Variants in MACROD2 observed in about 807,000 individuals in gnomAD.
MACROD2 encodes mono-ADP ribosylhydrolase 2, also known as ADP-ribose glycohydrolase MACROD2.
Under a neutral mutation model 70.4 loss-of-function variants are expected in MACROD2, and 36 were observed. That is an observed-to-expected ratio of 0.51 (90% confidence interval 0.39 to 0.68). MACROD2 has a LOEUF of 0.68. Among genes scored for constraint, MACROD2 ranks in the 30% least tolerant of loss-of-function variants. The pLI, the probability that MACROD2 is intolerant of heterozygous loss-of-function variation, is 0.00. For synonymous variants in MACROD2, 172 were observed against 178.8 expected (o/e 0.96, Z 0.30); for missense variants, 496 against 538.4 (o/e 0.92, Z 0.78).
chr20:15,639,980 AG>A (rs2049431560), intron 8 of MACROD2, among the ~76,000 whole-genome samples: 1 of 128,052 alleles, frequency 7.8e-6, no homozygotes, highest in Admixed American at 8.1e-5. Flanking sequence ...AGAAAGAAAG[AG>A]GGGGTGAGAG....
At chr20:14,650,429 C>G (rs962460714) in intron 4 of MACROD2, among the ~76,000 whole-genome samples, 31 of 152,156 alleles carry the variant, frequency 2.0e-4, no homozygotes, top group African/African-American at 7.2e-4. Context: ...TCTCCTCACC[C>G]CTACTTCCCT....
At chr20:14,749,957 T>C (rs943490910) in intron 5 of MACROD2, among the ~76,000 whole-genome samples, 61 of 152,124 alleles carry the variant, frequency 4.0e-4, no homozygotes, top group African/African-American at 1.4e-3. Flanking sequence ...GTGTACATAG[T>C]TTCAGATCTG....
chr20:15,273,143 C>T (rs565472201), intron 6 of MACROD2, among the ~76,000 whole-genome samples: 4 of 152,236 alleles, frequency 2.6e-5, no homozygotes, highest in African/African-American at 7.2e-5. Context: ...ACATTTGAGT[C>T]AGTGGGCTGG....
intron 8 of MACROD2, among the ~76,000 whole-genome samples, chr20:15,642,597 AAC>A (rs56698663): frequency 0.029 from 4,284 of 146,984 alleles, 71 homozygotes; most frequent in Non-Finnish European, 0.042. Flanking sequence ...ACCTGTCATG[AAC>A]ACACACACAC....
chr20:15,884,814 C>T (rs1287273383), intron 9 of MACROD2, among the ~76,000 whole-genome samples: 3 of 152,060 alleles, frequency 2.0e-5, no homozygotes, highest in Non-Finnish European at 4.4e-5. Context: ...TCTGACAGTT[C>T]TGGAGGCTGG....
At chr20:16,049,150 C>G (rs79467006) in intron 17 of MACROD2, among the ~76,000 whole-genome samples, 6,822 of 151,544 alleles carry the variant, frequency 0.045, 189 homozygotes, top group East Asian at 0.12. Context: ...TTCATTCCAG[C>G]AGGAGTGGGG....
At position 14,647,493 on chromosome 20, in the gene MACROD2, A is replaced by G. The variant is rs894631000; in HGVS notation, c.302-37350A>G. Among the ~76,000 whole-genome samples, 6 of 152,258 alleles carry G rather than the reference A, an allele frequency of 3.9e-5. No individual in the cohort carries two copies. The East Asian group carries it at 7.7e-4, about 20-fold the overall frequency. Reference sequence around the variant, plus strand: ...TGAGCACATATTTCAATGCATTGCAAATCTGAAGGAATTGTCATGGCTAAC... The same window carrying G: ...TGAGCACATATTTCAATGCATTGCAGATCTGAAGGAATTGTCATGGCTAAC... On this transcript the variant is annotated intron_variant, in intron 4 of 17. Transcript: ENST00000684519.
chr20:14,908,009 G>A (rs6110464), intron 5 of MACROD2, among the ~76,000 whole-genome samples: 138,094 of 152,218 alleles, frequency 0.91, 62,816 homozygotes, highest in East Asian at 1. Flanking sequence ...AAGTCACTAT[G>A]AGTCATTGAC....
At chr20:15,453,553 A>C (rs16995774) in intron 7 of MACROD2, among the ~76,000 whole-genome samples, 10,644 of 152,208 alleles carry the variant, frequency 0.07, 431 homozygotes, top group South Asian at 0.12. Flanking sequence ...TTGTGCCTGA[A>C]ATCTTATGTG....
intron 3 of MACROD2, among the ~76,000 whole-genome samples, chr20:14,211,847 G>A (rs184153841): frequency 2.0e-5 from 3 of 152,090 alleles, no homozygotes; most frequent in Non-Finnish European, 4.4e-5. Context: ...ATGACCCAGA[G>A]GTGGTAATAG....
chr20:14,910,256 G>A (rs1320454283), intron 5 of MACROD2, among the ~76,000 whole-genome samples: 2 of 152,096 alleles, frequency 1.3e-5, no homozygotes, highest in Non-Finnish European at 2.9e-5. Context: ...TGCACTTCGC[G>A]CTTACACATT....
At chr20:15,474,941 C>A (rs1357590397) in intron 7 of MACROD2, among the ~76,000 whole-genome samples, 4 of 152,048 alleles carry the variant, frequency 2.6e-5, no homozygotes, top group Non-Finnish European at 5.9e-5. Context: ...TTCCCCCTCG[C>A]CCCTACGGTC....
chr20:14,580,519 G>A (rs933625368), intron 4 of MACROD2, among the ~76,000 whole-genome samples: 3 of 152,068 alleles, frequency 2.0e-5, no homozygotes, highest in Non-Finnish European at 4.4e-5. Flanking sequence ...AAAATTGGAT[G>A]TCATGTCTTG....
chr20:14,984,200 A>T (rs774555070), intron 5 of MACROD2, among the ~76,000 whole-genome samples: 1 of 152,208 alleles, frequency 6.6e-6, no homozygotes, highest in African/African-American at 2.4e-5. Context: ...GCTGCCTTAA[A>T]GATTAATTTA....
intron 8 of MACROD2, among the ~76,000 whole-genome samples, chr20:15,807,792 G>A (rs2063782455): frequency 6.6e-6 from 1 of 151,976 alleles, no homozygotes; most frequent in Admixed American, 6.6e-5. Context: ...GAAAGTTCTG[G>A]AAATAAGGGA....
intron 5 of MACROD2, among the ~76,000 whole-genome samples, chr20:14,978,897 TATAATATATTATATATA>T (rs2074770150): frequency 8.4e-4 from 4 of 4,744 alleles, no homozygotes; most frequent in Admixed American, 0.011. Flanking sequence ...ATATATATTA[TATAATATATTATATATA>T]ATATATATCA....
At chr20:14,269,234 G>T (rs980752456) in intron 3 of MACROD2, among the ~76,000 whole-genome samples, 1 of 152,148 alleles carries the variant, frequency 6.6e-6, no homozygotes, top group Admixed American at 6.6e-5. Flanking sequence ...GCCAAATAAA[G>T]CATATGGCAA....
chr20:15,703,736 G>A (rs2050493370), intron 8 of MACROD2, among the ~76,000 whole-genome samples: 2 of 152,118 alleles, frequency 1.3e-5, no homozygotes, highest in African/African-American at 4.8e-5. Context: ...TCATCTGAAG[G>A]CTCAGCTGGG....
intron 3 of MACROD2, among the ~76,000 whole-genome samples, chr20:14,233,201 A>C (rs1022631564): frequency 3.9e-5 from 6 of 152,190 alleles, no homozygotes; most frequent in African/African-American, 1.4e-4. Flanking sequence ...ATAATAATGG[A>C]AATGTCTGAA....
Sources: allele counts gnomAD v4.1 joint callset (sites outside exome capture counted in the v4.1 genomes callset), GRCh38; gene constraint gnomAD v4.1.1; transcripts MANE v1.5; gene names NCBI Gene and HGNC (gene_info 2026-07-23, HGNC 2026-07-21).